The following ASTN2 variants were observed in gnomAD, a reference collection of about 807,000 sequenced individuals.
ASTN2 encodes astrotactin-2.
A neutral mutation model predicts 139.8 loss-of-function variants in ASTN2; 54 were observed. The observed-to-expected ratio is 0.39, with a 90% CI of 0.31 to 0.48. ASTN2 has a LOEUF of 0.48. ASTN2 is among the 20% of genes least tolerant of loss of function. ASTN2 has a pLI of 0.95. For synonymous variants in ASTN2, 756 were observed against 719.5 expected (o/e 1.05, Z -0.81); for missense variants, 1,565 against 1,725.1 (o/e 0.91, Z 1.64).
At chr9:116,736,824 G>C (rs1053050332) in intron 13 of ASTN2, among the ~76,000 whole-genome samples, 7 of 152,182 alleles carry the variant, frequency 4.6e-5, no homozygotes, top group African/African-American at 1.7e-4. Context: ...GTAGAGAAGG[G>C]AAGGTAATGC....
chr9:117,034,440 G>A (rs1247373575), intron 6 of ASTN2, among the ~76,000 whole-genome samples: 2 of 152,294 alleles, frequency 1.3e-5, no homozygotes, highest in East Asian at 1.9e-4. Context: ...GTTATGCTAT[G>A]AGGCAGCTCC....
At chr9:116,868,029 A>G (rs1833062816) in intron 10 of ASTN2, among the ~76,000 whole-genome samples, 2 of 152,234 alleles carry the variant, frequency 1.3e-5, no homozygotes, top group Admixed American at 1.3e-4. Flanking sequence ...GAGGCAGCAA[A>G]GAGATGAATG....
chr9:116,985,278 A>C (rs1312884012), intron 7 of ASTN2, among the ~76,000 whole-genome samples: 1 of 152,158 alleles, frequency 6.6e-6, no homozygotes, highest in Non-Finnish European at 1.5e-5. Flanking sequence ...CCGGCCCCTT[A>C]TTGTTATTCA....
intron 16 of ASTN2, among the ~76,000 whole-genome samples, chr9:116,674,766 A>C (rs558746451): frequency 3.9e-5 from 6 of 152,112 alleles, no homozygotes; most frequent in Non-Finnish European, 8.8e-5. Context: ...CCCTGGACTC[A>C]GGAACTGACT....
intron 2 of ASTN2, among the ~76,000 whole-genome samples, chr9:117,231,804 T>C (rs2133057751): frequency 6.6e-6 from 1 of 152,268 alleles, no homozygotes; most frequent in African/African-American, 2.4e-5. Flanking sequence ...AGAATCCCAG[T>C]GGTGTTCAAA....
chr9:116,609,379 G>GTATGTATATATATA (rs1855404946), intron 19 of ASTN2, among the ~76,000 whole-genome samples: 3 of 116,724 alleles, frequency 2.6e-5, no homozygotes, highest in South Asian at 5.3e-4. Flanking sequence ...ATATATGGGT[G>GTATGTATATATATA]TATATATATA....
chr9:116,692,328 T>C (rs1183286030), intron 16 of ASTN2, among the ~76,000 whole-genome samples: 7 of 152,178 alleles, frequency 4.6e-5, no homozygotes, highest in African/African-American at 1.7e-4. Context: ...TTGGGTACAG[T>C]CTGCTGAAAA....
At chr9:116,839,881 A>ATTATTTTTT (rs55634992) in intron 11 of ASTN2, among the ~76,000 whole-genome samples, 2 of 127,978 alleles carry the variant, frequency 1.6e-5, no homozygotes, top group Non-Finnish European at 3.2e-5. Flanking sequence ...TATTATTATT[A>ATTATTTTTT]TTTTTTTTTT....
chr9:116,868,418 C>T (rs1833072350), intron 10 of ASTN2, among the ~76,000 whole-genome samples: 1 of 152,094 alleles, frequency 6.6e-6, no homozygotes, highest in Non-Finnish European at 1.5e-5. Flanking sequence ...GTGTCTTGGG[C>T]AAGTCAGAGC....
intron 1 of ASTN2, among the ~76,000 whole-genome samples, chr9:117,323,800 C>T (rs921816330): frequency 6.6e-6 from 1 of 151,944 alleles, no homozygotes; most frequent in Non-Finnish European, 1.5e-5. Flanking sequence ...TATTTTAGCC[C>T]TTGTTGTAGC....
chr9:116,668,015 T>C (rs1353380990), intron 16 of ASTN2, among the ~76,000 whole-genome samples: 3 of 152,164 alleles, frequency 2.0e-5, no homozygotes, highest in Non-Finnish European at 4.4e-5. Context: ...TCTACCACTG[T>C]AGTACCATGC....
At chr9:117,388,874 G>T (rs1242813065) in intron 1 of ASTN2, among the ~76,000 whole-genome samples, 2 of 152,076 alleles carry the variant, frequency 1.3e-5, no homozygotes, top group Admixed American at 1.3e-4. Flanking sequence ...TGCCCTTGGG[G>T]TCCTTCTTTA....
chr9:116,976,312 A>G lies in ASTN2; in HGVS notation c.1677-124T>C, dbSNP rs1022914874. The G allele has an allele frequency of 1.3e-5, 10 of 740,972 alleles. No homozygotes were observed. In the Admixed American group the frequency reaches 1.6e-4, roughly 12 times the overall value. The allele number at this position is 740,972 out of a possible 1,614,324, so 45.9% of individuals were successfully genotyped here. A position where few individuals can be genotyped will look rare whatever the true frequency, so the allele number is the denominator to read the frequency against. ...ACTCTGCAGAAATAATTATTGGGCA[A>G]GACTACTTATATTATAAAAGAATGT... is the stretch of plus-strand genomic sequence containing the variant. On this transcript the variant is annotated intron_variant, in intron 8 of 22. Transcript: ENST00000313400.
At chr9:117,225,626 A>C (rs2133045966) in intron 2 of ASTN2, among the ~76,000 whole-genome samples, 1 of 140,838 alleles carries the variant, frequency 7.1e-6, no homozygotes, top group East Asian at 2.4e-4. Flanking sequence ...TCATTGATTT[A>C]CTTATTCCCC....
chr9:117,204,672 G>A (rs2132999039), intron 3 of ASTN2, among the ~76,000 whole-genome samples: 1 of 152,234 alleles, frequency 6.6e-6, no homozygotes, highest in East Asian at 1.9e-4. Flanking sequence ...TAGGGGCTAG[G>A]AAAACTCCTC....
At chr9:117,016,813 T>TTATATATATATATATATA (rs11378164) in intron 6 of ASTN2, among the ~76,000 whole-genome samples, 31 of 92,576 alleles carry the variant, frequency 3.3e-4, no homozygotes, top group African/African-American at 9.5e-4. Flanking sequence ...TATATATGTT[T>TTATATATATATATATATA]TATATATATA....
At chr9:117,200,408 G>A (rs1233938136) in intron 3 of ASTN2, among the ~76,000 whole-genome samples, 2 of 152,066 alleles carry the variant, frequency 1.3e-5, no homozygotes, top group African/African-American at 4.8e-5. Flanking sequence ...TGTTAAATAG[G>A]AGTGGTGAGA....
intron 16 of ASTN2, among the ~76,000 whole-genome samples, chr9:116,663,487 G>A (rs964190849): frequency 6.6e-6 from 1 of 152,124 alleles, no homozygotes. Context: ...TTAACAAAAT[G>A]TTAAAAATAC....
intron 20 of ASTN2, among the ~76,000 whole-genome samples, chr9:116,458,639 T>G (rs954163487): frequency 1.3e-5 from 2 of 151,984 alleles, no homozygotes; most frequent in African/African-American, 2.4e-5. Context: ...AAACCATTCC[T>G]TTGTGCAGTA....
Sources: gnomAD v4.1 joint callset for allele counts (sites outside exome capture counted in the v4.1 genomes callset) on GRCh38, gnomAD v4.1.1 for gene constraint, MANE v1.5 for transcripts, NCBI Gene and HGNC (gene_info 2026-07-23, HGNC 2026-07-21) for gene names.